SZT2: variants seen among roughly 807,000 people sequenced by gnomAD.
SZT2 encodes KICSTOR complex protein SZT2.
Under a neutral mutation model 404.2 loss-of-function variants are expected in SZT2, and 216 were observed. The observed-to-expected ratio is 0.53, with a 90% CI of 0.48 to 0.60. The LOEUF (loss-of-function observed/expected upper bound fraction) is 0.60. SZT2 is among the 20% of genes least tolerant of loss of function. The probability of loss-of-function intolerance (pLI) is 0.00; values close to 1 mark genes in which losing one functional copy is unlikely to be tolerated. For missense variants in SZT2, 3,857 were observed against 4,459.2 expected (o/e 0.86, Z 3.85); for synonymous variants, 1,693 against 1,749.9 (o/e 0.97, Z 0.81).
intron 4 of SZT2, among the ~76,000 whole-genome samples, chr1:43,407,794 T>G (rs1650497204): frequency 6.6e-6 from 1 of 151,116 alleles, no homozygotes; most frequent in African/African-American, 2.4e-5. Flanking sequence ...CAAACAACAG[T>G]AGTTGTTTCT....
Position 43,441,826 on chromosome 1 carries a change from T to C in SZT2, c.7742+8T>C, listed in dbSNP as rs771860764. On this transcript the variant is annotated splice_region_variant and intron_variant, in intron 55 of 71. Coordinates refer to ENST00000634258, the MANE Select transcript of SZT2 (RefSeq NM_001365999.1). The surrounding 1 kb of genome is among the most constrained non-coding windows in gnomAD (Gnocchi z 4.8). ...CATCTTTGAGCAGCATTTGTGAGTG[T>C]AGATCCTATAGAATTGAAGGGAACT... The C allele has an allele frequency of 5.0e-6, 8 of 1,613,940 alleles. No individual in the cohort carries two copies. The South Asian group carries it at 8.8e-5, about 18-fold the overall frequency.
rs900142251 is a variant in SZT2 at position 43,403,043 on chromosome 1, T to C, written c.28-134T>C. 4.3e-5 allele frequency: 41 copies of C among 954,772 alleles called. 1 individual carries two copies. The African/African-American group carries it at 6.4e-4, about 15-fold the overall frequency. 59.1% of individuals were successfully genotyped at this position (954,772 alleles called of 1,614,324 possible). Reference sequence around the variant, plus strand: ...GGAACACCTTGCATGGAGGTTGGGGTAAACTTTTCACTTCTGCTGTTTTCC... The same window carrying C: ...GGAACACCTTGCATGGAGGTTGGGGCAAACTTTTCACTTCTGCTGTTTTCC... On this transcript the variant is annotated intron_variant, in intron 1 of 71. Transcript: ENST00000634258.
At position 43,430,707 on chromosome 1, in the gene SZT2, G is replaced by A. The variant is rs775766996; in HGVS notation, c.4692G>A (p.Pro1564=). 6 of 1,613,686 alleles carry A rather than the reference G, an allele frequency of 3.7e-6. No homozygotes were observed. Among genetic ancestry groups the A allele is most frequent in the Middle Eastern group, 1.6e-4 (1 of 6,062 alleles). ...AGAGCTTCCTTCATGACCTGCCACCGCTCTTCCTGCACCTCACGTGCTCCG... is the reference window on the plus strand; with the variant it reads ...AGAGCTTCCTTCATGACCTGCCACCACTCTTCCTGCACCTCACGTGCTCCG... ...GPESFLHDLP[P]LFLHLTCSVR... The change falls in exon 32 of 72, where the codon CCG becomes CCA. Residue 1564 remains proline (P), a synonymous_variant. Coordinates refer to ENST00000634258, the MANE Select transcript of SZT2 (RefSeq NM_001365999.1).
At chr1:43,429,509 AG>A (rs1653598425) in intron 28 of SZT2, 193 bp from the exon 29 acceptor site, 5 of 614,410 alleles carry the variant, frequency 8.1e-6, no homozygotes, top group Non-Finnish European at 1.4e-5. Flanking sequence ...GAAAGAAAAA[AG>A]AAAAAGAAAT....
At chr1:43,392,733 T>C (rs1010662582) in intron 1 of SZT2, among the ~76,000 whole-genome samples, 3 of 152,180 alleles carry the variant, frequency 2.0e-5, no homozygotes, top group African/African-American at 7.2e-5. Flanking sequence ...ATTTTTTAAC[T>C]CCCTGATTTG....
chr1:43,448,343 C>T lies in SZT2; in HGVS notation c.9828C>T (p.Asp3276=), dbSNP rs12756587. Residue 3276 remains aspartate, a synonymous_variant, in exon 69 of 72, where the codon GAC becomes GAT. Transcript: ENST00000634258. This position sits in a 1 kb window ranked among gnomAD's most constrained non-coding sequence, Gnocchi z 4.2. The stretch of plus-strand genomic sequence containing the variant: ...TGGCTGGAGGGCACTGCCGTCGGGA[C>T]ACCCTTTGGAAGCGCCTCTTCTTGC... The part of the protein sequence containing the change: ...VRLAGGHCRR[D]TLWKRLFLLE... The T allele has an allele frequency of 4.9e-4, 762 of 1,553,136 alleles. 2 individuals are homozygous for T. The highest frequency in any genetic ancestry group is 6.3e-4 in the Non-Finnish European group (721 of 1,148,432).
In SZT2 at chr1:43,443,251, C is replaced by T; in HGVS notation, c.8483C>T (p.Ala2828Val). The T allele has an allele frequency of 6.2e-7, 1 of 1,614,196 alleles. No homozygotes were observed. The highest frequency in any genetic ancestry group is 8.5e-7 in the Non-Finnish European group (1 of 1,180,024). The change falls in exon 60 of 72, where the codon GCC (alanine) becomes GTC (valine). Residue 2828 changes from alanine to valine, a missense_variant. Ala to Val is a moderately conservative substitution (Grantham distance 64). This residue lies in a region of SZT2 where 717 missense variants were observed against 868.2 expected (regional missense o/e 0.83). Coordinates refer to ENST00000634258, the MANE Select transcript of SZT2 (RefSeq NM_001365999.1). The part of the protein sequence containing the change: ...FVTWQQRSTP[A>V]TMPISAGELE... ...ACCTGGCAGCAGCGTTCTACCCCAG[C>T]CACCATGCCCATCAGTGTGAGTGAC... is the stretch of plus-strand genomic sequence containing the variant.
rs1319215593 is a variant in SZT2, at chr1:43,430,007, A to G, written c.4309-4A>G. The G allele has an allele frequency of 6.2e-7, 1 of 1,614,104 alleles. No individual in the cohort carries two copies. Among genetic ancestry groups the G allele is most frequent in the African/African-American group, 1.3e-5 (1 of 75,020 alleles). On this transcript the variant is annotated splice_polypyrimidine_tract_variant and splice_region_variant and intron_variant, in intron 29 of 71. Coordinates refer to ENST00000634258, the MANE Select transcript of SZT2 (RefSeq NM_001365999.1). ...TTCTAACCTCCTTCTAAACCCCACA[A>G]CAGGAGAAGTTCCTAGAGATCAGTC...
chr1:43,401,330 A>G (rs1184076290), intron 1 of SZT2, among the ~76,000 whole-genome samples: 1 of 152,148 alleles, frequency 6.6e-6, no homozygotes, highest in African/African-American at 2.4e-5. Flanking sequence ...AGAATTCTCT[A>G]TTTTACAAAG....
rs1656361328 is a variant in SZT2, at chr1:43,451,226, G to A, written c.*746G>A. The A allele has an allele frequency of 6.2e-7, 1 of 1,613,472 alleles. No homozygotes were observed. The highest frequency in any genetic ancestry group is 8.5e-7 in the Non-Finnish European group (1 of 1,179,502). Reference sequence around the variant, plus strand: ...CTCGCTGTCTGGAGGCACGTGGGTGGTGTGCGGGCCCTCACTGGCCAGCCT... The same window carrying A: ...CTCGCTGTCTGGAGGCACGTGGGTGATGTGCGGGCCCTCACTGGCCAGCCT... On this transcript the variant is annotated 3_prime_UTR_variant, in exon 72 of 72. Transcript: ENST00000634258.
chr1:43,408,873 G>T (rs1044028654), intron 4 of SZT2, among the ~76,000 whole-genome samples: 18 of 152,106 alleles, frequency 1.2e-4, no homozygotes, highest in African/African-American at 4.1e-4. Context: ...CACTTATCCA[G>T]TTGGGAACAG....
Position 43,423,294 on chromosome 1 carries a change from C to G in SZT2, c.2233C>G (p.Pro745Ala), listed in dbSNP as rs1052818103. ...GCCCTGCCTTGTGGTCCTGCATAAG[C>G]CACTGGACAAACTGCTCATCAGGTT... ...DRPCLVVLHK[P>A]LDKLLIRYEK... Residue 745 changes from proline (P) to alanine (A), a missense_variant, in exon 15 of 72, where the codon CCA becomes GCA. Physicochemically the swap from Pro to Ala is conservative, Grantham distance 27. This residue lies in a region of SZT2 where 1,725 missense variants were observed against 1,881.0 expected (regional missense o/e 0.92). Transcript: ENST00000634258. 1 of 1,545,500 alleles carries G rather than the reference C, an allele frequency of 6.5e-7. No individual in the cohort carries two copies. The highest frequency in any genetic ancestry group is 8.7e-7 in the Non-Finnish European group (1 of 1,154,928).
chr1:43,428,275 AC>A lies in SZT2; in HGVS notation c.3957del (p.Ser1320ProfsTer5). On this transcript the variant is annotated frameshift_variant, in exon 28 of 72. Coordinates refer to ENST00000634258, the MANE Select transcript of SZT2 (RefSeq NM_001365999.1). LOFTEE classifies it high-confidence loss of function. ...CAGCTTGCAGCAAGCACAGAGTGTG[AC>A]CTCCCAGGATTTGCTGACAGCGGTA... ...FRSLQQAQSV[T>X]SQDLLTAVDA... is the part of the protein sequence containing the mutation. The A allele has an allele frequency of 6.2e-7, 1 of 1,614,028 alleles. No homozygotes were observed. The highest frequency in any genetic ancestry group is 8.5e-7 in the Non-Finnish European group (1 of 1,180,002).
In SZT2 at chr1:43,430,939, C is replaced by G; in HGVS notation, c.4775-10C>G. The G allele has an allele frequency of 6.2e-7, 1 of 1,607,544 alleles. No individual in the cohort carries two copies. Among genetic ancestry groups the G allele is most frequent in the Non-Finnish European group, 8.5e-7 (1 of 1,177,486 alleles). On this transcript the variant is annotated splice_polypyrimidine_tract_variant and intron_variant, in intron 32 of 71. Transcript: ENST00000634258. Reference sequence around the variant, plus strand: ...GCCCTCAGCAACTGCTAACTTTCCCCCTCTCCCAGGCCAGGTGCTTTCCAG... The same window carrying G: ...GCCCTCAGCAACTGCTAACTTTCCCGCTCTCCCAGGCCAGGTGCTTTCCAG...
rs747108004 is a variant in SZT2 at position 43,422,789 on chromosome 1, A to G, written c.1943A>G (p.Asn648Ser). Residue 648 changes from asparagine (N) to serine (S), a missense_variant, in exon 14 of 72, where the codon AAT (asparagine) becomes AGT (serine). By Grantham distance (46) the Asn-to-Ser change is conservative (BLOSUM62 1). This residue lies in a region of SZT2 where 1,725 missense variants were observed against 1,881.0 expected (regional missense o/e 0.92). Coordinates refer to ENST00000634258, the MANE Select transcript of SZT2 (RefSeq NM_001365999.1). ...LLSSAPDQPP[N>S]SFYMVRIISK... ...CCCAGTGCCCCAGACCAGCCCCCCAATTCCTTCTACATGGTCCGTATCATT... is the reference window on the plus strand; with the variant it reads ...CCCAGTGCCCCAGACCAGCCCCCCAGTTCCTTCTACATGGTCCGTATCATT... 2.8e-5 allele frequency: 45 copies of G among 1,587,208 alleles called. No homozygotes were observed. Among genetic ancestry groups the G allele is most frequent in the Admixed American group, 1.5e-4 (9 of 59,094 alleles).
intron 1 of SZT2, among the ~76,000 whole-genome samples, chr1:43,395,322 G>T (rs761835977): frequency 5.9e-5 from 9 of 152,138 alleles, no homozygotes; most frequent in Non-Finnish European, 1.2e-4. Flanking sequence ...GAGTGGGGCA[G>T]GGTCTTGCTC....
At position 43,443,064 on chromosome 1, in the gene SZT2, G is replaced by C. The variant is rs779828506; in HGVS notation, c.8397G>C (p.Glu2799Asp). The C allele has an allele frequency of 6.2e-7, 1 of 1,612,482 alleles. No individual in the cohort carries two copies. Among genetic ancestry groups the C allele is most frequent in the South Asian group, 1.1e-5 (1 of 90,968 alleles). ...PVTYHGQQFL[E>D]IKMAERRELE... ...CCTACCATGGACAACAGTTCCTAGA[G>C]ATCAAGATGGCAGAGCGCAGAGGTG... Residue 2799 changes from glutamate to aspartate, a missense_variant, in exon 59 of 72, where the codon GAG becomes GAC. By Grantham distance (45) the Glu-to-Asp change is conservative (BLOSUM62 2). Around this residue, in one of 7 missense-constraint regions of SZT2, gnomAD observed 717 missense variants for 868.2 expected, o/e 0.83. Transcript: ENST00000634258.
chr1:43,423,410 A>T (rs1199186589), intron 15 of SZT2, 94 bp downstream of exon 15: 8 of 1,263,072 alleles, frequency 6.3e-6, no homozygotes, highest in Non-Finnish European at 7.4e-6. Context: ...AGTAGTATAG[A>T]GGTGTGGAGT....
Position 43,442,657 on chromosome 1 carries a change from T to C in SZT2, c.8151+39T>C, listed in dbSNP as rs1400759565. The stretch of plus-strand genomic sequence containing the variant: ...TGGTTCTTCCTATAGTTTTGGCTAC[T>C]GAGGGGTCAGTTAAAGGAAAAACCA... On this transcript the variant is annotated intron_variant, in intron 58 of 71. Coordinates refer to ENST00000634258, the MANE Select transcript of SZT2 (RefSeq NM_001365999.1). The surrounding 1 kb of genome is among the most constrained non-coding windows in gnomAD (Gnocchi z 4.5). 2.4e-5 allele frequency: 37 copies of C among 1,557,630 alleles called. No homozygotes were observed. The highest frequency in any genetic ancestry group is 3.2e-5 in the Non-Finnish European group (37 of 1,152,058).
Sources: allele counts gnomAD v4.1 joint callset (sites outside exome capture counted in the v4.1 genomes callset), GRCh38; gene constraint gnomAD v4.1.1; regional missense constraint gnomAD v4.1.1; non-coding constraint Gnocchi (gnomAD v3.1); transcripts MANE v1.5; gene names NCBI Gene and HGNC (gene_info 2026-07-23, HGNC 2026-07-21).